The following CHRM3 variants were observed in gnomAD, a reference collection of about 807,000 sequenced individuals.
The protein encoded by CHRM3 is muscarinic acetylcholine receptor M3.
Under a neutral mutation model 41.8 loss-of-function variants are expected in CHRM3, and 11 were observed. The observed-to-expected ratio is 0.26, with a 90% CI of 0.17 to 0.44. The LOEUF is 0.44. Among genes scored for constraint, CHRM3 ranks in the 20% least tolerant of loss-of-function variants. CHRM3 has a pLI of 1.00. For synonymous variants in CHRM3, 297 were observed against 301.4 expected, an observed-to-expected ratio of 0.99 and a Z score of 0.15; for missense variants, 571 against 745.4, an observed-to-expected ratio of 0.77 and a Z score of 2.72.
At chr1:239,456,105 T>C (rs917589292) in intron 1 of CHRM3, among the ~76,000 whole-genome samples, 5 of 152,194 alleles carry the variant, frequency 3.3e-5, no homozygotes, top group Non-Finnish European at 7.3e-5. Context: ...GTGATCCTGG[T>C]GAGTTTCAGT....
At chr1:239,494,802 G>A (rs1030271341) in intron 2 of CHRM3, among the ~76,000 whole-genome samples, 1 of 152,020 alleles carries the variant, frequency 6.6e-6, no homozygotes, top group Non-Finnish European at 1.5e-5. Flanking sequence ...TGTATGTTTG[G>A]TTTTCTGTTC....
chr1:239,572,662 A>T (rs1661936417), intron 3 of CHRM3, among the ~76,000 whole-genome samples: 1 of 152,222 alleles, frequency 6.6e-6, no homozygotes, highest in African/African-American at 2.4e-5. Context: ...GTTCCCAAGG[A>T]TAACAGGGTT....
At chr1:239,761,787 C>T (rs1666801199) in intron 5 of CHRM3, among the ~76,000 whole-genome samples, 1 of 152,200 alleles carries the variant, frequency 6.6e-6, no homozygotes, top group African/African-American at 2.4e-5. Context: ...GTGGATTTCT[C>T]ACACGCTCAC....
intron 4 of CHRM3, among the ~76,000 whole-genome samples, chr1:239,645,871 AG>A (rs1671698863): frequency 1.3e-5 from 2 of 152,336 alleles, no homozygotes; most frequent in African/African-American, 4.8e-5. Flanking sequence ...TTTAACTAAA[AG>A]AGAGTTTTTA....
At chr1:239,442,837 A>T (rs1194997206) in intron 1 of CHRM3, among the ~76,000 whole-genome samples, 1 of 152,186 alleles carries the variant, frequency 6.6e-6, no homozygotes, top group Non-Finnish European at 1.5e-5. Flanking sequence ...TTTCTGGTGA[A>T]TTCTCCGTGT....
Position 239,903,214 on chromosome 1 carries a change from G to A in CHRM3, c.-19-4219G>A, listed in dbSNP as rs557183364. On this transcript the variant is annotated intron_variant, in intron 6 of 6. Coordinates refer to ENST00000676153, the MANE Select transcript of CHRM3 (RefSeq NM_001375978.1). ...ATTCACAGGATGAAATGAACTAAAA[G>A]AAAACAACTGACCTTAGGCTAATTT... Among the ~76,000 whole-genome samples the A allele has an allele frequency of 4.0e-3, 602 of 152,208 alleles. 8 individuals are homozygous for A. Among genetic ancestry groups the A allele is most frequent in the African/African-American group, 0.013 (545 of 41,538 alleles).
intron 5 of CHRM3, among the ~76,000 whole-genome samples, chr1:239,698,021 T>G (rs2148057836): frequency 6.6e-6 from 1 of 152,346 alleles, no homozygotes; most frequent in South Asian, 2.1e-4. Flanking sequence ...GGTGACTAAA[T>G]TTCATGTCTC....
In CHRM3 at chr1:239,634,096, C is replaced by T. The variant is rs559476135; in HGVS notation, c.-250+1810C>T. 4.6e-5 allele frequency among the ~76,000 whole-genome samples: 7 copies of T among 152,234 alleles called. No individual in the cohort carries two copies. The South Asian group carries it at 1.2e-3, about 27-fold the overall frequency. On this transcript the variant is annotated intron_variant, in intron 4 of 6. Transcript: ENST00000676153. ...GGTAGTAAGTGGCACAGGTGAGATT[C>T]GAACTTGGACCTGTCAGATGCTGAT... is the stretch of plus-strand genomic sequence containing the variant.
At position 239,791,926 on chromosome 1, in the gene CHRM3, C is replaced by G. The variant is rs1304317500; in HGVS notation, c.-146-35326C>G. Among the ~76,000 whole-genome samples the G allele has an allele frequency of 2.0e-5, 3 of 152,188 alleles. No homozygotes were observed. The East Asian group carries it at 5.8e-4, about 29-fold the overall frequency. ...GACCTACAATAGTGGGTGCATGTGT[C>G]TGTAAATATACGTATTCAGTCTTAT... On this transcript the variant is annotated intron_variant, in intron 5 of 6. Transcript: ENST00000676153.
intron 5 of CHRM3, among the ~76,000 whole-genome samples, chr1:239,759,683 T>C (rs1666570022): frequency 6.6e-6 from 1 of 152,190 alleles, no homozygotes. Flanking sequence ...AAAACAGATG[T>C]GGTCATGCCA....
At chr1:239,541,033 A>C (rs1251344511) in intron 2 of CHRM3, among the ~76,000 whole-genome samples, 1 of 152,170 alleles carries the variant, frequency 6.6e-6, no homozygotes, top group African/African-American at 2.4e-5. Flanking sequence ...TCCTTGAATA[A>C]TTTTGTTTTA....
chr1:239,807,462 A>G (rs532372564), intron 5 of CHRM3, among the ~76,000 whole-genome samples: 36 of 152,362 alleles, frequency 2.4e-4, no homozygotes, highest in African/African-American at 8.2e-4. Context: ...GCCCATAAAT[A>G]GGAATGCTAC....
intron 3 of CHRM3, chr1:239,629,087 G>T (rs1339125157): frequency 2.6e-5 from 3 of 117,566 alleles, no homozygotes; most frequent in Middle Eastern, 3.9e-3. Context: ...AATGGCGGGC[G>T]CCCCTCCCCC....
At chr1:239,675,080 G>T (rs1306558401) in intron 4 of CHRM3, among the ~76,000 whole-genome samples, 1 of 151,970 alleles carries the variant, frequency 6.6e-6, no homozygotes, top group Admixed American at 6.6e-5. Flanking sequence ...TGTTAATAGG[G>T]GTCAATTATC....
At chr1:239,619,484 A>G (rs912527347) in intron 3 of CHRM3, among the ~76,000 whole-genome samples, 4 of 152,306 alleles carry the variant, frequency 2.6e-5, no homozygotes, top group Admixed American at 2.0e-4. Context: ...CTACCTGCAG[A>G]CTTTTAAACT....
intron 3 of CHRM3, among the ~76,000 whole-genome samples, chr1:239,602,137 T>TAC (rs1240330448): frequency 8.1e-4 from 118 of 145,220 alleles, no homozygotes; most frequent in Non-Finnish European, 1.5e-3. Context: ...TATATATATA[T>TAC]ATAATTTTGT....
At chr1:239,887,935 T>C (rs1034189778) in intron 6 of CHRM3, among the ~76,000 whole-genome samples, 7 of 152,220 alleles carry the variant, frequency 4.6e-5, no homozygotes, top group African/African-American at 1.7e-4. Flanking sequence ...AAAGCTTGTA[T>C]CTGTCCCTGA....
chr1:239,856,673 T>C (rs1234454285), intron 6 of CHRM3, among the ~76,000 whole-genome samples: 1 of 152,080 alleles, frequency 6.6e-6, no homozygotes, highest in East Asian at 1.9e-4. Flanking sequence ...TTAAAAGCCA[T>C]GGATGATTAC....
intron 5 of CHRM3, among the ~76,000 whole-genome samples, chr1:239,821,010 G>A (rs1337745121): frequency 6.6e-6 from 1 of 152,072 alleles, no homozygotes; most frequent in Non-Finnish European, 1.5e-5. Context: ...GACAAAAAGA[G>A]GGCAAACTAG....
Sources: allele counts gnomAD v4.1 joint callset (sites outside exome capture counted in the v4.1 genomes callset), GRCh38; gene constraint gnomAD v4.1.1; transcripts MANE v1.5; gene names NCBI Gene and HGNC (gene_info 2026-07-23, HGNC 2026-07-21).